SLC25A12: variants seen among roughly 807,000 people sequenced by gnomAD.
SLC25A12 encodes electrogenic aspartate/glutamate antiporter SLC25A12, mitochondrial.
In SLC25A12, 32 loss-of-function variants were observed where a neutral mutation model predicts 83.3. The ratio of observed to expected loss-of-function variants is 0.38; its 90% CI spans 0.29 to 0.52. The LOEUF is 0.52. Among genes scored for constraint, SLC25A12 ranks in the 20% least tolerant of loss-of-function variants. The pLI, the probability that SLC25A12 is intolerant of heterozygous loss-of-function variation, is 0.84. For synonymous variants in SLC25A12, 267 were observed against 291.1 expected (o/e 0.92, Z 0.84); for missense variants, 611 against 835.6 (o/e 0.73, Z 3.31).
At chr2:171,817,600 C>CAAAAAAAAAAAAAA (rs71013076) in intron 9 of SLC25A12, among the ~76,000 whole-genome samples, 1 of 64,252 alleles carries the variant, frequency 1.6e-5, no homozygotes. Flanking sequence ...GACTCTGCCT[C>CAAAAAAAAAAAAAA]AAAAAAAAAA....
intron 2 of SLC25A12, among the ~76,000 whole-genome samples, chr2:171,881,147 TTTGTTGTTG>T (rs199795106): frequency 1.3e-5 from 2 of 151,970 alleles, no homozygotes; most frequent in South Asian, 4.1e-4. Flanking sequence ...ATTTTCTTTT[TTTGTTGTTG>T]TTGTTGTTGT....
chr2:171,843,795 C>CT (rs71013078), intron 5 of SLC25A12, among the ~76,000 whole-genome samples: 87,584 of 117,268 alleles, frequency 0.75, 34,469 homozygotes, highest in Non-Finnish European at 0.85. Context: ...AAAGAACTAG[C>CT]TTTTTTTTTT....
At chr2:171,814,732 G>A (rs1161727621) in intron 10 of SLC25A12, among the ~76,000 whole-genome samples, 3 of 152,112 alleles carry the variant, frequency 2.0e-5, no homozygotes, top group Admixed American at 6.5e-5. Flanking sequence ...TTATAAATGA[G>A]AACATGTGGT....
chr2:171,885,517 TAA>T (rs1685800017), intron 2 of SLC25A12, among the ~76,000 whole-genome samples: 1 of 151,790 alleles, frequency 6.6e-6, no homozygotes, highest in Non-Finnish European at 1.5e-5. Flanking sequence ...CTGTCTCTAC[TAA>T]AAACACAAAA....
intron 2 of SLC25A12, among the ~76,000 whole-genome samples, chr2:171,869,132 T>C (rs1280817511): frequency 6.6e-6 from 1 of 152,082 alleles, no homozygotes; most frequent in East Asian, 1.9e-4. Flanking sequence ...GGCAAGACCA[T>C]AGAATCAGAA....
intron 2 of SLC25A12, among the ~76,000 whole-genome samples, chr2:171,877,773 GTTAAC>G (rs958468463): frequency 5.9e-5 from 9 of 151,604 alleles, no homozygotes; most frequent in African/African-American, 2.2e-4. Flanking sequence ...AGAAAAAAAG[GTTAAC>G]TTAAAATTCA....
intron 3 of SLC25A12, among the ~76,000 whole-genome samples, chr2:171,867,484 C>G (rs1325916348): frequency 6.6e-6 from 1 of 152,156 alleles, no homozygotes; most frequent in African/African-American, 2.4e-5. Context: ...AATACGAAAA[C>G]CAGTCAGGTG....
intron 10 of SLC25A12, 107 bp downstream of exon 10, chr2:171,815,014 C>T (rs917725828): frequency 9.1e-6 from 8 of 881,698 alleles, no homozygotes; most frequent in South Asian, 8.0e-5. Flanking sequence ...GCCCTGAAGT[C>T]GTGACCCATG....
chr2:171,891,912 A>T lies in SLC25A12; in HGVS notation c.66+1293T>A, dbSNP rs1350110168. On this transcript the variant is annotated intron_variant, in intron 2 of 17. Coordinates refer to ENST00000422440, the MANE Select transcript of SLC25A12 (RefSeq NM_003705.5). ...ACAAATTATTTTTCATAAACTACAC[A>T]TATGTATGCTCAACTACGCAGCGTC... Among the ~76,000 whole-genome samples the T allele has an allele frequency of 3.3e-5, 5 of 152,220 alleles. No homozygotes were observed. In the East Asian group the frequency reaches 9.6e-4, roughly 29 times the overall value.
chr2:171,819,247 AAT>A (rs1023258033), intron 9 of SLC25A12, among the ~76,000 whole-genome samples: 19 of 126,098 alleles, frequency 1.5e-4, no homozygotes, highest in East Asian at 8.4e-4. Flanking sequence ...AATATATACT[AAT>A]ATATATAATG....
At chr2:171,852,628 C>T (rs887659978) in intron 4 of SLC25A12, 8 of 453,698 alleles carry the variant, frequency 1.8e-5, no homozygotes, top group African/African-American at 1.4e-4. Flanking sequence ...TACATAAGCA[C>T]AATTCATTTT....
At chr2:171,885,480 G>A (rs1407454655) in intron 2 of SLC25A12, among the ~76,000 whole-genome samples, 2 of 151,924 alleles carry the variant, frequency 1.3e-5, no homozygotes, top group Non-Finnish European at 2.9e-5. Context: ...AGGAGTTCGA[G>A]ACCAGCCTGA....
At chr2:171,830,788 C>A (rs1291848028) in intron 8 of SLC25A12, among the ~76,000 whole-genome samples, 1 of 152,198 alleles carries the variant, frequency 6.6e-6, no homozygotes, top group Non-Finnish European at 1.5e-5. Context: ...GCTGGGATTA[C>A]AGGTGTGAGC....
intron 3 of SLC25A12, among the ~76,000 whole-genome samples, chr2:171,857,908 T>C (rs1685079798): frequency 6.6e-6 from 1 of 151,884 alleles, no homozygotes. Flanking sequence ...GTGAGACCCA[T>C]TTCAAAACAA....
chr2:171,858,032 G>GAA (rs1480178567), intron 3 of SLC25A12, among the ~76,000 whole-genome samples: 5 of 152,034 alleles, frequency 3.3e-5, no homozygotes, highest in Non-Finnish European at 5.9e-5. Flanking sequence ...AAACTACACA[G>GAA]AAATTGCCTT....
At chr2:171,869,223 G>C (rs1364191209) in intron 2 of SLC25A12, among the ~76,000 whole-genome samples, 2 of 152,100 alleles carry the variant, frequency 1.3e-5, no homozygotes, top group Non-Finnish European at 2.9e-5. Context: ...TTTCTCTTTG[G>C]GGATGATGAA....
intron 5 of SLC25A12, among the ~76,000 whole-genome samples, chr2:171,842,664 G>A (rs1684703889): frequency 6.6e-6 from 1 of 152,064 alleles, no homozygotes; most frequent in Non-Finnish European, 1.5e-5. Context: ...AATCCATAGA[G>A]ACAGAAAGTA....
chr2:171,784,527 T>C lies in SLC25A12; in HGVS notation c.*747A>G, dbSNP rs1316068777. The C allele has an allele frequency of 6.6e-6, 1 of 152,372 alleles. No individual in the cohort carries two copies. Among genetic ancestry groups the C allele is most frequent in the Non-Finnish European group, 1.5e-5 (1 of 68,158 alleles). 9.4% of individuals were successfully genotyped at this position (152,372 alleles called of 1,614,324 possible). The stretch of plus-strand genomic sequence containing the variant: ...AATGATGGAGATGTCCCTGTTTCCA[T>C]ATGCACACTGACAGGCGAGGAGCTG... On this transcript the variant is annotated 3_prime_UTR_variant, in exon 18 of 18. Coordinates refer to ENST00000422440, the MANE Select transcript of SLC25A12 (RefSeq NM_003705.5).
chr2:171,849,872 G>A (rs1423638358), intron 4 of SLC25A12, among the ~76,000 whole-genome samples: 1 of 151,484 alleles, frequency 6.6e-6, no homozygotes, highest in African/African-American at 2.4e-5. Context: ...CGTGATCTTG[G>A]CTCACTGCAA....
Sources: gnomAD v4.1 joint callset for allele counts (sites outside exome capture counted in the v4.1 genomes callset) on GRCh38, gnomAD v4.1.1 for gene constraint, MANE v1.5 for transcripts, NCBI Gene and HGNC (gene_info 2026-07-23, HGNC 2026-07-21) for gene names.